VSIG8: variants seen among roughly 807,000 people sequenced by gnomAD.
The protein encoded by VSIG8 is V-set and immunoglobulin domain containing 8.
Under a neutral mutation model 42.6 loss-of-function variants are expected in VSIG8, and 32 were observed. The ratio of observed to expected loss-of-function variants is 0.75; its 90% CI spans 0.57 to 1.01. VSIG8 has a LOEUF of 1.01. VSIG8 is among the 50% of genes least tolerant of loss of function. The probability of loss-of-function intolerance (pLI) is 0.00; values close to 1 mark genes in which losing one functional copy is unlikely to be tolerated. For missense variants in VSIG8, 529 were observed against 558.0 expected (o/e 0.95, Z 0.52); for synonymous variants, 290 against 243.8 (o/e 1.19, Z -1.77).
At chr1:159,858,366 C>T in intron 2 of VSIG8, 75 bp from the exon 3 acceptor site, 3 of 1,474,970 alleles carry the variant, frequency 2.0e-6, no homozygotes, top group Middle Eastern at 1.7e-4. Flanking sequence ...CTGCTTTGGG[C>T]AATTCACTGA....
At chr1:159,862,353 G>T in intron 1 of VSIG8, 120 bp downstream of exon 1, 2 of 1,075,594 alleles carry the variant, frequency 1.9e-6, no homozygotes, top group Non-Finnish European at 2.7e-6. Flanking sequence ...GCAGGGCAAG[G>T]GTGGGCAGCA....
chr1:159,857,867 G>A lies in VSIG8; in HGVS notation c.530C>T (p.Ser177Phe), dbSNP rs754015695. Residue 177 changes from serine (S) to phenylalanine (F), a missense_variant, in exon 4 of 7, where the codon TCC becomes TTC. Physicochemically the swap from Ser to Phe is radical, Grantham distance 155. Coordinates refer to ENST00000368100, the MANE Select transcript of VSIG8 (RefSeq NM_001013661.1). Reference sequence around the variant, plus strand: ...CCCACTGATCTTGGCCCACTTGTAGGAGAGGGGCTGGGAGCCCCCACTGGC... The same window carrying A: ...CCCACTGATCTTGGCCCACTTGTAGAAGAGGGGCTGGGAGCCCCCACTGGC... ...CYASGGSQPL[S>F]YKWAKISGHH... The A allele has an allele frequency of 2.5e-6, 4 of 1,614,118 alleles. No individual in the cohort carries two copies. The highest frequency in any genetic ancestry group is 1.7e-5 in the Admixed American group (1 of 60,008).
rs1287440040 is a variant in VSIG8 at position 159,855,436 on chromosome 1, C to T, written c.972-410G>A. 4.2e-6 allele frequency: 6 copies of T among 1,417,416 alleles called. No individual in the cohort carries two copies. The Admixed American group carries it at 1.5e-4, about 36-fold the overall frequency. 87.8% of individuals were successfully genotyped at this position (1,417,416 alleles called of 1,614,324 possible). A position where few individuals can be genotyped will look rare whatever the true frequency, so the allele number is the denominator to read the frequency against. On this transcript the variant is annotated intron_variant, in intron 6 of 6. Coordinates refer to ENST00000368100, the MANE Select transcript of VSIG8 (RefSeq NM_001013661.1). ...GCCCCTCAGTCTTCTCCATCTTTCC[C>T]TCCATCCCCGAGGCATTGCAATCAT...
In VSIG8 at chr1:159,854,415, C is replaced by T. The variant is rs11807946; in HGVS notation, c.*338G>A. ...CCAGACAGACCCCCACCCACCCGGC[C>T]CCCGGGGCCCTCTGCTTAGGCTGGG... On this transcript the variant is annotated 3_prime_UTR_variant, in exon 7 of 7. Transcript: ENST00000368100. The T allele has an allele frequency of 0.21, 54,509 of 260,210 alleles. 7,879 individuals are homozygous for T. The highest frequency in any genetic ancestry group is 0.24 in the Non-Finnish European group (33,142 of 139,130). 16.1% of individuals were successfully genotyped at this position (260,210 alleles called of 1,614,324 possible).
Position 159,858,843 on chromosome 1 carries a change from A to G in VSIG8, c.119T>C (p.Val40Ala). The change falls in exon 2 of 7, where the codon GTG becomes GCG. Residue 40 changes from valine to alanine, a missense_variant. By Grantham distance (64) the Val-to-Ala change is moderately conservative. Coordinates refer to ENST00000368100, the MANE Select transcript of VSIG8 (RefSeq NM_001013661.1). ...EVLYLAEGDNVRLGCPYVLDP... is the reference protein window; with the variant it reads ...EVLYLAEGDNARLGCPYVLDP... ...CAGGACGTAGGGGCAGCCCAGCCTC[A>G]CATTATCACCTTCTGCCAGGTACAG... 6.2e-7 allele frequency: 1 copy of G among 1,613,986 alleles called. No homozygotes were observed.
In VSIG8 at chr1:159,858,828, G is replaced by A; in HGVS notation, c.134C>T (p.Pro45Leu). ...ATAGTCCTCAGGGTCCAGGACGTAG[G>A]GGCAGCCCAGCCTCACATTATCACC... ...AEGDNVRLGC[P>L]YVLDPEDYGP... The change falls in exon 2 of 7, where the codon CCC becomes CTC. Residue 45 changes from proline (P) to leucine (L), a missense_variant. Coordinates refer to ENST00000368100, the MANE Select transcript of VSIG8 (RefSeq NM_001013661.1). The A allele has an allele frequency of 1.9e-6, 3 of 1,614,026 alleles. No homozygotes were observed. Among genetic ancestry groups the A allele is most frequent in the Non-Finnish European group, 2.5e-6 (3 of 1,179,976 alleles).
intron 1 of VSIG8, chr1:159,861,471 G>A (rs60881685): frequency 0.15 from 22,730 of 151,978 alleles, 3,412 homozygotes; most frequent in African/African-American, 0.38. Flanking sequence ...GGGGAAGTCC[G>A]GGTCCCCACA....
At chr1:159,856,376 T>C in intron 5 of VSIG8, 148 bp downstream of exon 5, 4 of 1,373,566 alleles carry the variant, frequency 2.9e-6, no homozygotes, top group Non-Finnish European at 4.0e-6. Context: ...CCACTGATCT[T>C]GGCCCACTTG....
rs759059021 is a variant in VSIG8 at position 159,856,524 on chromosome 1, C to T, written c.772G>A (p.Asp258Asn). The T allele has an allele frequency of 6.2e-7, 1 of 1,614,082 alleles. No homozygotes were observed. The highest frequency in any genetic ancestry group is 1.1e-5 in the South Asian group (1 of 91,060). ...SVCVVEVKVSDSRRIGVIIGI... is the reference protein window; with the variant it reads ...SVCVVEVKVSNSRRIGVIIGI... ...CAGCCCTCAAGACTGCTGCACCTAC[C>T]TGAGACCTTCACCTCCACCACACAA... Residue 258 changes from aspartate to asparagine, a missense_variant and splice_region_variant, in exon 5 of 7, where the codon GAC (aspartate) becomes AAC (asparagine). Transcript: ENST00000368100.
intron 6 of VSIG8, chr1:159,855,627 A>C: frequency 1.0e-6 from 1 of 977,990 alleles, no homozygotes; most frequent in Non-Finnish European, 1.2e-6. Flanking sequence ...AGGAGCTTAC[A>C]GTCTAGACAA....
At chr1:159,855,776 G>T (rs1053690339) in intron 6 of VSIG8, 107 bp downstream of exon 6, 5 of 1,421,274 alleles carry the variant, frequency 3.5e-6, no homozygotes, top group Middle Eastern at 2.6e-4. Flanking sequence ...GCGATGGCGG[G>T]CAGGGTTGGG....
chr1:159,854,792 G>T lies in VSIG8; in HGVS notation c.1206C>A (p.Ala402=), dbSNP rs1251315397. The change falls in exon 7 of 7, where the codon GCC becomes GCA. Residue 402 remains alanine, a synonymous_variant. Transcript: ENST00000368100. ...CGTTCTTGCACTGCACCGGCCCCTC[G>T]GCGCAGTCAGCCGGCTCCGCGCTCT... ...KVKSAEPADC[A]EGPVQCKNGL... 4.7e-6 allele frequency: 7 copies of T among 1,503,922 alleles called. No homozygotes were observed. Among genetic ancestry groups the T allele is most frequent in the Non-Finnish European group, 6.2e-6 (7 of 1,133,810 alleles). The allele number at this position is 1,503,922 out of a possible 1,614,324, so 93.2% of individuals were successfully genotyped here.
chr1:159,862,315 C>A, intron 1 of VSIG8, 158 bp downstream of exon 1: 1 of 674,218 alleles, frequency 1.5e-6, no homozygotes, highest in South Asian at 2.0e-5. Flanking sequence ...GGGGAAAGGT[C>A]CCCTGGTAAT....
chr1:159,855,888 C>G lies in VSIG8; in HGVS notation c.966G>C (p.Glu322Asp). 5.8e-6 allele frequency: 9 copies of G among 1,557,288 alleles called. No individual in the cohort carries two copies. Among genetic ancestry groups the G allele is most frequent in the Non-Finnish European group, 7.8e-6 (9 of 1,157,402 alleles). The change falls in exon 6 of 7, where the codon GAG (glutamate) becomes GAC (aspartate). Residue 322 changes from glutamate to aspartate, a missense_variant. Transcript: ENST00000368100. ...GGGACGDLAS[E>D]IREDAVAPGC... ...CAGCATGCATCAGGTTTTACCTGATCTCACTAGCCAAGTCGCCGCAGGCCC... is the reference window on the plus strand; with the variant it reads ...CAGCATGCATCAGGTTTTACCTGATGTCACTAGCCAAGTCGCCGCAGGCCC...
intron 4 of VSIG8, among the ~76,000 whole-genome samples, chr1:159,857,279 A>G: frequency 6.6e-6 from 1 of 152,228 alleles, no homozygotes; most frequent in Non-Finnish European, 1.5e-5. Context: ...TCTGCTCTCA[A>G]TAGCAGCTGC....
chr1:159,855,689 A>G, intron 6 of VSIG8, 194 bp downstream of exon 6: 1 of 946,968 alleles, frequency 1.1e-6, no homozygotes, highest in Non-Finnish European at 1.3e-6. Flanking sequence ...AGCAGAGGTG[A>G]AGACTGGGGT....
chr1:159,858,668 G>A, intron 2 of VSIG8, 66 bp downstream of exon 2: 1 of 1,528,380 alleles, frequency 6.5e-7, no homozygotes, highest in African/African-American at 1.4e-5. Flanking sequence ...CCTTTGGGAT[G>A]TTGGCTGTCC....
chr1:159,858,338 A>G (rs2494504), intron 2 of VSIG8, 47 bp from the exon 3 acceptor site: 1,421,760 of 1,607,142 alleles, frequency 0.88, 629,746 homozygotes, highest in African/African-American at 0.98. Context: ...CAGAGCCAAG[A>G]AGGGCCATGT....
chr1:159,858,510 GA>G (rs1648918404), intron 2 of VSIG8, among the ~76,000 whole-genome samples: 1 of 152,236 alleles, frequency 6.6e-6, no homozygotes, highest in African/African-American at 2.4e-5. Flanking sequence ...GGAACTTTTT[GA>G]AGGCAAAGAC....
Sources: gnomAD v4.1 joint callset for allele counts (sites outside exome capture counted in the v4.1 genomes callset) on GRCh38, gnomAD v4.1.1 for gene constraint, MANE v1.5 for transcripts, NCBI Gene and HGNC (gene_info 2026-07-23, HGNC 2026-07-21) for gene names.